Variants in CPEB4 observed in about 807,000 individuals in gnomAD.
The protein encoded by CPEB4 is cytoplasmic polyadenylation element-binding protein 4.
A neutral mutation model predicts 72.5 loss-of-function variants in CPEB4; 12 were observed. The ratio of observed to expected loss-of-function variants is 0.17; its 90% confidence interval spans 0.11 to 0.27. CPEB4 has a LOEUF of 0.27. Ranked by LOEUF, CPEB4 falls within the 10% of genes least tolerant of loss-of-function variation. The pLI, the probability that CPEB4 is intolerant of heterozygous loss-of-function variation, is 1.00. For missense variants in CPEB4, 614 were observed against 908.5 expected (o/e 0.68, Z 4.17); for synonymous variants, 302 against 326.3 (o/e 0.93, Z 0.80).
At chr5:173,920,490 C>T (rs763060090) in intron 2 of CPEB4, among the ~76,000 whole-genome samples, 2 of 152,150 alleles carry the variant, frequency 1.3e-5, no homozygotes, top group African/African-American at 2.4e-5. Context: ...AAACCAGCTG[C>T]CTGATTTCTT....
rs1278511851 is a variant in CPEB4, at chr5:173,958,925, G to T, written c.*2788G>T. 1 of 152,730 alleles carries T rather than the reference G, an allele frequency of 6.5e-6. No individual in the cohort carries two copies. 9.5% of individuals were successfully genotyped at this position (152,730 alleles called of 1,614,324 possible). On this transcript the variant is annotated 3_prime_UTR_variant, in exon 10 of 10. Coordinates refer to ENST00000265085, the MANE Select transcript of CPEB4 (RefSeq NM_030627.4). ...CTTGGGACAGGTGTGTAATGTTAGT[G>T]TGCATGACTAATGTAAGAAATTGTT...
chr5:173,893,325 C>T (rs1184677961), intron 1 of CPEB4: 1 of 151,774 alleles, frequency 6.6e-6, no homozygotes, highest in Non-Finnish European at 1.5e-5. Flanking sequence ...TTAAATTTGT[C>T]TTATTTAAAT....
At chr5:173,945,966 C>T (rs1758001889) in intron 5 of CPEB4, among the ~76,000 whole-genome samples, 1 of 152,146 alleles carries the variant, frequency 6.6e-6, no homozygotes, top group African/African-American at 2.4e-5. Context: ...CTTTTGTCTT[C>T]GTTTCCTGAG....
intron 7 of CPEB4, among the ~76,000 whole-genome samples, chr5:173,951,176 C>T (rs1262562876): frequency 6.6e-6 from 1 of 152,088 alleles, no homozygotes; most frequent in Non-Finnish European, 1.5e-5. Flanking sequence ...TGTTGGTGTG[C>T]ATATTTGGGA....
chr5:173,905,432 C>T (rs1756399487), intron 1 of CPEB4, among the ~76,000 whole-genome samples: 1 of 151,944 alleles, frequency 6.6e-6, no homozygotes, highest in African/African-American at 2.4e-5. Flanking sequence ...CTCCCAGGTT[C>T]AAACGATTCT....
chr5:173,888,609 T>C lies in CPEB4; in HGVS notation c.-1125T>C. The C allele has an allele frequency of 2.5e-6, 1 of 400,688 alleles. No individual in the cohort carries two copies. Among genetic ancestry groups the C allele is most frequent in the East Asian group, 3.5e-5 (1 of 28,214 alleles). The allele number at this position is 400,688 out of a possible 1,614,324, so 24.8% of individuals were successfully genotyped here. ...TTCTAAATTATAGTTTAAAAAAAAA[T>C]TCTGGGGGAAAAGAGAGAGAAAGCC... On this transcript the variant is annotated 5_prime_UTR_variant, in exon 1 of 10. Transcript: ENST00000265085. The surrounding 1 kb of genome is among the most constrained non-coding windows in gnomAD (Gnocchi z 4.3).
chr5:173,937,610 A>G (rs1757676352), intron 3 of CPEB4, among the ~76,000 whole-genome samples: 1 of 152,238 alleles, frequency 6.6e-6, no homozygotes, highest in Non-Finnish European at 1.5e-5. Flanking sequence ...TGAAAAGCTG[A>G]GAATAATTGT....
intron 1 of CPEB4, among the ~76,000 whole-genome samples, chr5:173,905,037 A>G (rs929427330): frequency 6.7e-6 from 1 of 149,872 alleles, no homozygotes; most frequent in Admixed American, 6.7e-5. Flanking sequence ...AACTTAGAAG[A>G]TTTGAGGATT....
chr5:173,943,784 T>C (rs1314563895), intron 4 of CPEB4, among the ~76,000 whole-genome samples: 2 of 152,230 alleles, frequency 1.3e-5, no homozygotes, highest in African/African-American at 4.8e-5. Flanking sequence ...TTATAAAAAA[T>C]ATACTGTTAT....
chr5:173,902,001 G>C (rs559713837), intron 1 of CPEB4, among the ~76,000 whole-genome samples: 10 of 152,132 alleles, frequency 6.6e-5, no homozygotes, highest in Non-Finnish European at 8.8e-5. Flanking sequence ...AGGGATGTGA[G>C]GGTCATTTGG....
chr5:173,905,874 A>G (rs1398755143), intron 1 of CPEB4, among the ~76,000 whole-genome samples: 1 of 152,248 alleles, frequency 6.6e-6, no homozygotes. Context: ...CAGGGACATC[A>G]GAGATCCAAT....
At chr5:173,897,234 T>C (rs1380760769) in intron 1 of CPEB4, among the ~76,000 whole-genome samples, 1 of 152,256 alleles carries the variant, frequency 6.6e-6, no homozygotes, top group African/African-American at 2.4e-5. Flanking sequence ...ACAGCCTGTT[T>C]CTTTCAGGAT....
intron 3 of CPEB4, among the ~76,000 whole-genome samples, chr5:173,941,998 G>A (rs189207318): frequency 2.6e-5 from 4 of 152,308 alleles, no homozygotes; most frequent in African/African-American, 7.2e-5. Context: ...TGCGTGTAAC[G>A]CTGTTGAGCC....
intron 5 of CPEB4, among the ~76,000 whole-genome samples, chr5:173,947,523 A>G (rs1248025962): frequency 1.3e-5 from 2 of 152,168 alleles, no homozygotes; most frequent in African/African-American, 4.8e-5. Flanking sequence ...GGTTACATTG[A>G]GCAAATTAAT....
Position 173,945,209 on chromosome 5 carries a change from T to G in CPEB4, c.1456+69T>G, listed in dbSNP as rs116588829. ...CATAGTAGGAAACTCACAGATAGTGTTACAATAACAGTCTTATCTGGCTCC... is the reference window on the plus strand; with the variant it reads ...CATAGTAGGAAACTCACAGATAGTGGTACAATAACAGTCTTATCTGGCTCC... On this transcript the variant is annotated intron_variant, in intron 5 of 9. Coordinates refer to ENST00000265085, the MANE Select transcript of CPEB4 (RefSeq NM_030627.4). The G allele has an allele frequency of 1.8e-4, 241 of 1,350,642 alleles. 1 individual carries two copies. In the African/African-American group the frequency reaches 3.3e-3, roughly 18 times the overall value. The allele number at this position is 1,350,642 out of a possible 1,614,324, so 83.7% of individuals were successfully genotyped here.
At chr5:173,933,233 A>G (rs2113240831) in intron 3 of CPEB4, among the ~76,000 whole-genome samples, 1 of 152,330 alleles carries the variant, frequency 6.6e-6, no homozygotes, top group Admixed American at 6.5e-5. Context: ...CCATTTGTCA[A>G]AGCTCATTTT....
At chr5:173,901,816 C>G (rs1756244627) in intron 1 of CPEB4, among the ~76,000 whole-genome samples, 1 of 152,228 alleles carries the variant, frequency 6.6e-6, no homozygotes, top group Admixed American at 6.5e-5. Context: ...ATGTTAGCCA[C>G]TTTCTATATC....
In CPEB4 at chr5:173,890,124, G is replaced by A; in HGVS notation, c.391G>A (p.Glu131Lys). 1 of 1,614,186 alleles carries A rather than the reference G, an allele frequency of 6.2e-7. No individual in the cohort carries two copies. The highest frequency in any genetic ancestry group is 1.1e-5 in the South Asian group (1 of 91,086). ...DNSSENGNGK[E>K]KIRIESPVLT... ...TTCTTCGGAAAATGGCAATGGGAAG[G>A]AGAAAATAAGGATCGAATCTCCAGT... The change falls in exon 1 of 10, where the codon GAG (glutamate) becomes AAG (lysine). Residue 131 changes from glutamate (E) to lysine (K), a missense_variant. Physicochemically the swap from Glu to Lys is moderately conservative, Grantham distance 56. Around this residue, in one of 5 missense-constraint regions of CPEB4, gnomAD observed 458 missense variants for 548.6 expected, o/e 0.83. Transcript: ENST00000265085.
At chr5:173,920,436 C>A (rs915046562) in intron 2 of CPEB4, among the ~76,000 whole-genome samples, 1 of 152,188 alleles carries the variant, frequency 6.6e-6, no homozygotes, top group Non-Finnish European at 1.5e-5. Context: ...CTATAATATT[C>A]CAAATAATAA....
Sources: allele counts gnomAD v4.1 joint callset (sites outside exome capture counted in the v4.1 genomes callset), GRCh38; gene constraint gnomAD v4.1.1; regional missense constraint gnomAD v4.1.1; non-coding constraint Gnocchi (gnomAD v3.1); transcripts MANE v1.5; gene names NCBI Gene and HGNC (gene_info 2026-07-23, HGNC 2026-07-21).